Variants in LYST observed in about 807,000 individuals in gnomAD.
LYST encodes the protein lysosomal-trafficking regulator.
Under a neutral mutation model 413.6 loss-of-function variants are expected in LYST, and 192 were observed. That is an observed-to-expected ratio of 0.46 (90% CI 0.41 to 0.52). LYST has a LOEUF of 0.52. Ranked by LOEUF, LYST falls within the 20% of genes least tolerant of loss-of-function variation. The pLI, the probability that LYST is intolerant of heterozygous loss-of-function variation, is 0.00. For synonymous variants in LYST, 1,525 were observed against 1,567.3 expected (o/e 0.97, Z 0.64); for missense variants, 3,815 against 4,499.9 (o/e 0.85, Z 4.35).
At chr1:235,687,536 T>G (rs1660314279) in intron 47 of LYST, among the ~76,000 whole-genome samples, 1 of 152,216 alleles carries the variant, frequency 6.6e-6, no homozygotes, top group African/African-American at 2.4e-5. Flanking sequence ...AAGATAAATG[T>G]GAATGTAAAA....
At chr1:235,869,448 G>A (rs923218601), upstream of LYST, among the ~76,000 whole-genome samples, 2 of 152,108 alleles carry the variant, frequency 1.3e-5, no homozygotes, top group Non-Finnish European at 2.9e-5. Flanking sequence ...GTCTGGCCCG[G>A]GTGAAAGAGC....
chr1:235,828,968 G>T, intron 3 of LYST: 1 of 305,550 alleles, frequency 3.3e-6, no homozygotes, highest in Non-Finnish European at 4.8e-6. Context: ...ACTTTGGGAG[G>T]CCAACGGGGG....
chr1:235,751,367 AAACAGAAGATAC>A lies in LYST; in HGVS notation c.7628-17_7628-6del. On this transcript the variant is annotated splice_polypyrimidine_tract_variant and splice_region_variant and intron_variant, in intron 27 of 52. Coordinates refer to ENST00000389793, the MANE Select transcript of LYST (RefSeq NM_000081.4). ...GCTGTAGTGCAACAGCCATATCTAA[AAACAGAAGATAC>A]TAGAATGTTTTCAAGCTATGTGGTT... 1 of 1,612,360 alleles carries A rather than the reference AAACAGAAGATAC, an allele frequency of 6.2e-7. No individual in the cohort carries two copies. Among genetic ancestry groups the A allele is most frequent in the Non-Finnish European group, 8.5e-7 (1 of 1,178,766 alleles).
chr1:235,732,119 T>C (rs1358541347), intron 34 of LYST, among the ~76,000 whole-genome samples: 2 of 152,146 alleles, frequency 1.3e-5, no homozygotes, highest in African/African-American at 2.4e-5. Context: ...ATCATTATGA[T>C]CATTTTTCTA....
At chr1:235,715,650 T>A (rs1454298731) in intron 41 of LYST, among the ~76,000 whole-genome samples, 1 of 152,112 alleles carries the variant, frequency 6.6e-6, no homozygotes, top group Admixed American at 6.5e-5. Flanking sequence ...TCCTAACTAA[T>A]GGCTCATAAT....
intron 12 of LYST, among the ~76,000 whole-genome samples, chr1:235,789,559 A>T (rs1670785356): frequency 6.6e-6 from 1 of 152,202 alleles, no homozygotes; most frequent in African/African-American, 2.4e-5. Context: ...GATATATCAA[A>T]ATCCAAAATA....
rs781014417 is a variant in LYST at position 235,806,107 on chromosome 1, C to A, written c.3029G>T (p.Gly1010Val). Residue 1010 changes from glycine (G) to valine (V), a missense_variant, in exon 6 of 53, where the codon GGA becomes GTA. Physicochemically the swap from Gly to Val is moderately radical, Grantham distance 109 (BLOSUM62 -3). Transcript: ENST00000389793. ...KLFRSHKEEQ[G>V]KKEGDTSVNE... is the part of the protein sequence containing the mutation. Reference sequence around the variant, plus strand: ...TACACTTGTATCTCCCTCCTTTTTTCCTTGCTCCTCTTTGTGACTTCTGAA... The same window carrying A: ...TACACTTGTATCTCCCTCCTTTTTTACTTGCTCCTCTTTGTGACTTCTGAA... 4 of 1,613,438 alleles carry A rather than the reference C, an allele frequency of 2.5e-6. No individual in the cohort carries two copies. The highest frequency in any genetic ancestry group is 3.4e-6 in the Non-Finnish European group (4 of 1,179,842).
Position 235,860,247 on chromosome 1 carries a change from C to T in LYST, c.-98+6596G>A, listed in dbSNP as rs977117587. On this transcript the variant is annotated intron_variant, in intron 1 of 52. Coordinates refer to ENST00000389793, the MANE Select transcript of LYST (RefSeq NM_000081.4). ...AACAGAGAGGCAATTACAGAGTTTC[C>T]ATGTACACCCTGCTCTCTCACACAT... Among the ~76,000 whole-genome samples the T allele has an allele frequency of 2.0e-5, 3 of 152,088 alleles. No homozygotes were observed. The East Asian group carries it at 5.8e-4, about 29-fold the overall frequency.
chr1:235,788,644 T>C (rs574924228), intron 13 of LYST, 57 bp downstream of exon 13: 1 of 1,534,956 alleles, frequency 6.5e-7, no homozygotes, highest in East Asian at 2.3e-5. Context: ...TTAATGTCTC[T>C]TACACAAATT....
intron 1 of LYST, among the ~76,000 whole-genome samples, chr1:235,859,374 T>C (rs1679595388): frequency 6.6e-6 from 1 of 152,154 alleles, no homozygotes; most frequent in African/African-American, 2.4e-5. Context: ...TTCCCAATGA[T>C]CACATCTACT....
chr1:235,733,460 A>C (rs2103220891), intron 34 of LYST, 43 bp downstream of exon 34: 2 of 1,539,684 alleles, frequency 1.3e-6, no homozygotes, highest in Non-Finnish European at 1.8e-6. Flanking sequence ...CAATATCTTA[A>C]ATCTTCATGG....
intron 28 of LYST, among the ~76,000 whole-genome samples, chr1:235,748,088 A>G (rs1666101903): frequency 6.6e-6 from 1 of 152,222 alleles, no homozygotes; most frequent in African/African-American, 2.4e-5. Flanking sequence ...AATAATGAAT[A>G]TAAAACATAA....
At position 235,752,065 on chromosome 1, in the gene LYST, T is replaced by C. The variant is rs776953887; in HGVS notation, c.7567A>G (p.Ile2523Val). The C allele has an allele frequency of 5.0e-6, 8 of 1,610,288 alleles. No individual in the cohort carries two copies. The Admixed American group carries it at 6.7e-5, about 13-fold the overall frequency. ...SSSGSQYFRV[I>V]EDLIVMLGYL... The stretch of plus-strand genomic sequence containing the variant: ...CCAAGCATTACAATAAGGTCTTCAA[T>C]AACCCTAAAATATTGTGAGCCTGAG... The change falls in exon 27 of 53, where the codon ATT (isoleucine) becomes GTT (valine). Residue 2523 changes from isoleucine (I) to valine (V), a missense_variant. Physicochemically the swap from Ile to Val is conservative, Grantham distance 29 (BLOSUM62 3). This residue lies in a region of LYST where 771 missense variants were observed against 837.1 expected (regional missense o/e 0.92). Coordinates refer to ENST00000389793, the MANE Select transcript of LYST (RefSeq NM_000081.4).
rs764914278 is a variant in LYST, at chr1:235,800,368, A to G, written c.3958T>C (p.Leu1320=). The G allele has an allele frequency of 6.3e-6, 10 of 1,591,434 alleles. No homozygotes were observed. In the Admixed American group the frequency reaches 1.7e-4, roughly 27 times the overall value. ...LMQQGTVKNL[L]GGFLSILTQD... is the part of the protein sequence containing the mutation. ...GTTAAAATACTCAAGAACCCTCCTAAAAGATTTTTCACAGTTCCCTGAAGA... is the reference window on the plus strand; with the variant it reads ...GTTAAAATACTCAAGAACCCTCCTAGAAGATTTTTCACAGTTCCCTGAAGA... The change falls in exon 10 of 53, where the codon TTA becomes CTA. Residue 1320 remains leucine, a synonymous_variant. Coordinates refer to ENST00000389793, the MANE Select transcript of LYST (RefSeq NM_000081.4).
intron 46 of LYST, among the ~76,000 whole-genome samples, chr1:235,694,429 C>G (rs1449298199): frequency 6.6e-6 from 1 of 152,106 alleles, no homozygotes; most frequent in Non-Finnish European, 1.5e-5. Flanking sequence ...CTGAATATAG[C>G]TAAATGCAGC....
At chr1:235,850,139 TAGTCACCAA>T (rs1319439019) in intron 1 of LYST, among the ~76,000 whole-genome samples, 4 of 152,112 alleles carry the variant, frequency 2.6e-5, no homozygotes, top group African/African-American at 9.7e-5. Flanking sequence ...TATAAGGCCA[TAGTCACCAA>T]AATAGTGTGG....
chr1:235,702,327 C>T (rs569174091), intron 45 of LYST, among the ~76,000 whole-genome samples: 1 of 152,264 alleles, frequency 6.6e-6, no homozygotes, highest in Non-Finnish European at 1.5e-5. Context: ...CCAAAACATC[C>T]GCATCACTGG....
intron 3 of LYST, among the ~76,000 whole-genome samples, chr1:235,814,664 T>C (rs548959088): frequency 1.3e-5 from 2 of 152,192 alleles, no homozygotes; most frequent in East Asian, 3.9e-4. Flanking sequence ...AATGGAGTGA[T>C]TTGACTGCAA....
At chr1:235,717,395 G>A (rs975154567) in intron 40 of LYST, among the ~76,000 whole-genome samples, 5 of 152,242 alleles carry the variant, frequency 3.3e-5, no homozygotes, top group Middle Eastern at 6.8e-3. Flanking sequence ...TGTCAGTGCC[G>A]GTGTTCACAT....
Sources: allele counts gnomAD v4.1 joint callset (sites outside exome capture counted in the v4.1 genomes callset), GRCh38; gene constraint gnomAD v4.1.1; regional missense constraint gnomAD v4.1.1; transcripts MANE v1.5; gene names NCBI Gene and HGNC (gene_info 2026-07-23, HGNC 2026-07-21).